ARID5B: variants seen among roughly 807,000 people sequenced by gnomAD.
ARID5B encodes AT-rich interaction domain 5B, also known as AT-rich interactive domain-containing protein 5B.
In ARID5B, 13 loss-of-function variants were observed where a neutral mutation model predicts 97.2. The ratio of observed to expected loss-of-function variants is 0.13; its 90% CI spans 0.09 to 0.21. The LOEUF is 0.21. ARID5B is among the 10% of genes least tolerant of loss of function. The pLI, the probability that ARID5B is intolerant of heterozygous loss-of-function variation, is 1.00. For synonymous variants in ARID5B, 556 were observed against 570.3 expected (o/e 0.97, Z 0.36); for missense variants, 1,210 against 1,465.3 (o/e 0.83, Z 2.84).
intron 4 of ARID5B, among the ~76,000 whole-genome samples, chr10:62,044,048 T>A (rs886525603): frequency 2.0e-5 from 3 of 151,762 alleles, no homozygotes; most frequent in East Asian, 1.9e-4. Flanking sequence ...TTTTTTTTTT[T>A]AAATGTTCTT....
At chr10:62,009,884 G>A (rs76181932) in intron 4 of ARID5B, among the ~76,000 whole-genome samples, 2,517 of 152,260 alleles carry the variant, frequency 0.017, 79 homozygotes, top group African/African-American at 0.058. Context: ...GACCTTGAAG[G>A]ACACAAAAAG....
At chr10:61,977,934 C>T (rs1838723491) in intron 3 of ARID5B, among the ~76,000 whole-genome samples, 1 of 152,172 alleles carries the variant, frequency 6.6e-6, no homozygotes. Context: ...AGTCCTTGCC[C>T]ATGCCTGTGT....
At position 62,092,093 on chromosome 10, in the gene ARID5B, A is replaced by G. The variant is rs749204336; in HGVS notation, c.2630A>G (p.Glu877Gly). 5.0e-6 allele frequency: 8 copies of G among 1,613,422 alleles called. No individual in the cohort carries two copies. Among genetic ancestry groups the G allele is most frequent in the East Asian group, 2.2e-5 (1 of 44,876 alleles). Residue 877 changes from glutamate (E) to glycine (G), a missense_variant, in exon 10 of 10, where the codon GAA (glutamate) becomes GGA (glycine). Around this residue, in one of 8 missense-constraint regions of ARID5B, gnomAD observed 800 missense variants for 839.1 expected, o/e 0.95. Transcript: ENST00000279873. ...TCTTTTCCTTCCCACAGACACCAAG[A>G]AAAGCTCCATGTAAATTATCTCACG... ...NSSFPSHRHQEKLHVNYLTSL... is the reference protein window; with the variant it reads ...NSSFPSHRHQGKLHVNYLTSL...
chr10:62,026,773 A>G (rs1839425889), intron 4 of ARID5B, among the ~76,000 whole-genome samples: 1 of 152,178 alleles, frequency 6.6e-6, no homozygotes, highest in Admixed American at 6.5e-5. Context: ...CCTAAACATC[A>G]CATGCAAATT....
At chr10:62,017,027 T>C (rs750183591) in intron 4 of ARID5B, among the ~76,000 whole-genome samples, 18 of 152,134 alleles carry the variant, frequency 1.2e-4, no homozygotes, top group Non-Finnish European at 2.1e-4. Context: ...GTGAACTCAA[T>C]ATTACAATTT....
At chr10:62,024,873 C>T in intron 4 of ARID5B, 1 of 358,530 alleles carries the variant, frequency 2.8e-6, no homozygotes, top group Non-Finnish European at 5.0e-6. Flanking sequence ...TGGCTCTGTA[C>T]CAAAGACACT....
At chr10:62,051,919 T>C (rs10821949) in intron 5 of ARID5B, among the ~76,000 whole-genome samples, 64,115 of 151,604 alleles carry the variant, frequency 0.42, 14,741 homozygotes, top group Non-Finnish European at 0.54. Flanking sequence ...AAGAGTCTGA[T>C]GTAGAAAAAA....
In ARID5B at chr10:62,033,849, C is replaced by T. The variant is rs79547066; in HGVS notation, c.734-17039C>T. On this transcript the variant is annotated intron_variant, in intron 4 of 9. Coordinates refer to ENST00000279873, the MANE Select transcript of ARID5B (RefSeq NM_032199.3). ...TCTTGACGAACGGTTAAATTCAGCCCGGAGAGAGATGATGACTTGCCCGAG... is the reference window on the plus strand; with the variant it reads ...TCTTGACGAACGGTTAAATTCAGCCTGGAGAGAGATGATGACTTGCCCGAG... 5.3e-3 allele frequency among the ~76,000 whole-genome samples: 810 copies of T among 152,190 alleles called. 8 individuals carry two copies. Among genetic ancestry groups the T allele is most frequent in the African/African-American group, 0.019 (777 of 41,506 alleles).
At chr10:62,062,779 C>G (rs74926791) in intron 7 of ARID5B, among the ~76,000 whole-genome samples, 4 of 86,204 alleles carry the variant, frequency 4.6e-5, no homozygotes, top group South Asian at 4.1e-4. Context: ...GGCCTTTGTG[C>G]AAAAAAAAAA....
At chr10:62,003,983 T>C (rs1564625261) in intron 4 of ARID5B, among the ~76,000 whole-genome samples, 1 of 152,224 alleles carries the variant, frequency 6.6e-6, no homozygotes, top group Non-Finnish European at 1.5e-5. Context: ...ATGAAAAGTT[T>C]GATTAGAAAC....
intron 2 of ARID5B, among the ~76,000 whole-genome samples, chr10:61,917,832 GA>G (rs1843937415): frequency 6.6e-6 from 1 of 152,216 alleles, no homozygotes. Context: ...TGTGCAAGAA[GA>G]AGAGCTTGGC....
chr10:61,969,851 G>A (rs949559778), intron 3 of ARID5B, among the ~76,000 whole-genome samples: 4 of 152,088 alleles, frequency 2.6e-5, no homozygotes, highest in Admixed American at 2.0e-4. Flanking sequence ...TGCCCTAAGA[G>A]TCTTGATTTC....
rs149466999 is a variant in ARID5B, at chr10:62,090,977, C to T, written c.1514C>T (p.Ala505Val). Residue 505 changes from alanine to valine, a missense_variant, in exon 10 of 10, where the codon GCG becomes GTG. By Grantham distance (64) the Ala-to-Val change is moderately conservative. Transcript: ENST00000279873. ...KKIEGYQEFSAKPLASRVDPE... is the reference protein window; with the variant it reads ...KKIEGYQEFSVKPLASRVDPE... ...ATAGAAGGGTATCAGGAATTTTCAG[C>T]GAAGCCCCTGGCATCCAGAGTAGAC... The T allele has an allele frequency of 1.9e-5, 31 of 1,614,106 alleles. No individual in the cohort carries two copies. Among genetic ancestry groups the T allele is most frequent in the East Asian group, 8.9e-5 (4 of 44,884 alleles).
chr10:62,013,674 G>A (rs1343819380), intron 4 of ARID5B, among the ~76,000 whole-genome samples: 2 of 151,886 alleles, frequency 1.3e-5, no homozygotes, highest in African/African-American at 4.8e-5. Flanking sequence ...AGATCTTGCA[G>A]TATTTGTCTT....
chr10:62,029,464 A>G (rs1041881357), intron 4 of ARID5B, among the ~76,000 whole-genome samples: 2 of 152,262 alleles, frequency 1.3e-5, no homozygotes, highest in African/African-American at 2.4e-5. Flanking sequence ...ATGAGAATAT[A>G]TAGCTAAGAA....
At chr10:61,912,805 A>G (rs1232754513) in intron 2 of ARID5B, among the ~76,000 whole-genome samples, 2 of 152,024 alleles carry the variant, frequency 1.3e-5, no homozygotes, top group Non-Finnish European at 2.9e-5. Context: ...TGCTACAGAG[A>G]TAGCAAGCCA....
chr10:62,007,033 A>G (rs1246850516), intron 4 of ARID5B, among the ~76,000 whole-genome samples: 1 of 152,206 alleles, frequency 6.6e-6, no homozygotes, highest in Non-Finnish European at 1.5e-5. Context: ...AGCAACATCA[A>G]CATATTTCTC....
chr10:61,970,990 T>C lies in ARID5B; in HGVS notation c.503-29101T>C, dbSNP rs146173323. On this transcript the variant is annotated intron_variant, in intron 3 of 9. Transcript: ENST00000279873. ...CTTTTAAAGTGTGTGTGTGTGTGTG[T>C]GTATGTGTGTATAAAACAAAAGAAA... Among the ~76,000 whole-genome samples the C allele has an allele frequency of 4.8e-3, 721 of 151,746 alleles. 5 individuals carry two copies. In the Middle Eastern group the frequency reaches 0.048, roughly 10 times the overall value.
rs941689320 is a variant in ARID5B at position 62,096,059 on chromosome 10, C to T, written c.*3029C>T. 5.1e-5 allele frequency: 12 copies of T among 233,240 alleles called. No homozygotes were observed. Among genetic ancestry groups the T allele is most frequent in the Admixed American group, 2.8e-4 (5 of 17,784 alleles). The allele number at this position is 233,240 out of a possible 1,614,324, so 14.4% of individuals were successfully genotyped here. A position where few individuals can be genotyped will look rare whatever the true frequency, so the allele number is the denominator to read the frequency against. On this transcript the variant is annotated 3_prime_UTR_variant, in exon 10 of 10. Coordinates refer to ENST00000279873, the MANE Select transcript of ARID5B (RefSeq NM_032199.3). ...GATAAAAAAATAAAAACAGCCCAAC[C>T]GAGTTTCGGAATTAAGTATTCTTCT...
Sources: gnomAD v4.1 joint callset for allele counts (sites outside exome capture counted in the v4.1 genomes callset) on GRCh38, gnomAD v4.1.1 for gene constraint, gnomAD v4.1.1 regional missense constraint, MANE v1.5 for transcripts, NCBI Gene and HGNC (gene_info 2026-07-23, HGNC 2026-07-21) for gene names.